DISC1: variants seen among roughly 807,000 people sequenced by gnomAD.
DISC1 encodes the protein DISC1 scaffold protein, also known as disrupted in schizophrenia 1 protein.
Under a neutral mutation model 84.5 loss-of-function variants are expected in DISC1, and 57 were observed. That is an observed-to-expected ratio of 0.67 (90% CI 0.55 to 0.84). The LOEUF is 0.84. Among genes scored for constraint, DISC1 ranks in the 40% least tolerant of loss-of-function variants. The pLI, the probability that DISC1 is intolerant of heterozygous loss-of-function variation, is 0.00. For missense variants in DISC1, 1,000 were observed against 1,057.8 expected (o/e 0.95, Z 0.76); for synonymous variants, 411 against 415.2 (o/e 0.99, Z 0.12).
intron 4 of DISC1, chr1:231,750,667 G>C (rs2074516047): frequency 1.1e-6 from 1 of 896,850 alleles, no homozygotes. Context: ...GGCAAGCTAA[G>C]TCAGAATGTC....
chr1:231,742,608 GA>G (rs796971327), intron 3 of DISC1, among the ~76,000 whole-genome samples: 40 of 150,052 alleles, frequency 2.7e-4, no homozygotes, highest in Admixed American at 7.3e-4. Context: ...CCCCATCTCT[GA>G]AAAAAAAAAT....
In DISC1 at chr1:231,794,064, G is replaced by A. The variant is rs140896042; in HGVS notation, c.1635-1178G>A. 9.6e-3 allele frequency among the ~76,000 whole-genome samples: 1,455 copies of A among 152,218 alleles called. 10 individuals carry two copies. Among genetic ancestry groups the A allele is most frequent in the South Asian group, 0.031 (148 of 4,826 alleles). ...CTCCCAAAGTGCTGGAATTACAGGC[G>A]TGAGCCACCACGCCCGGCCCCTAAC... On this transcript the variant is annotated intron_variant, in intron 6 of 12. Transcript: ENST00000439617.
At chr1:231,912,745 CTTTCTTTCTT>C (rs1558724844) in intron 9 of DISC1, among the ~76,000 whole-genome samples, 36 of 3,610 alleles carry the variant, frequency 1.0e-2, no homozygotes, top group Non-Finnish European at 0.017. Flanking sequence ...GCTTGCTCTT[CTTTCTTTCTT>C]TCTTTCTTTC....
At chr1:231,886,149 C>T (rs1340764709) in intron 9 of DISC1, among the ~76,000 whole-genome samples, 1 of 152,182 alleles carries the variant, frequency 6.6e-6, no homozygotes, top group Non-Finnish European at 1.5e-5. Flanking sequence ...GCCCCCATGA[C>T]CCAAACACCT....
intron 3 of DISC1, among the ~76,000 whole-genome samples, chr1:231,743,820 C>G (rs1343393804): frequency 6.6e-6 from 1 of 152,190 alleles, no homozygotes; most frequent in Non-Finnish European, 1.5e-5. Context: ...TGCTTAGTTT[C>G]CGGCTATAGG....
At chr1:231,797,045 C>T (rs1279326215) in intron 7 of DISC1, among the ~76,000 whole-genome samples, 1 of 152,154 alleles carries the variant, frequency 6.6e-6, no homozygotes, top group Non-Finnish European at 1.5e-5. Flanking sequence ...TTATCAGGTG[C>T]GTCCTGATTT....
At chr1:231,748,619 T>G (rs1477887552) in intron 3 of DISC1, among the ~76,000 whole-genome samples, 1 of 152,188 alleles carries the variant, frequency 6.6e-6, no homozygotes, top group Non-Finnish European at 1.5e-5. Context: ...ATCTTTTTGA[T>G]GTGTTGTTTG....
rs188216665 is a variant in DISC1 at position 231,653,933 on chromosome 1, G to A, written c.67+26999G>A. 4.0e-3 allele frequency among the ~76,000 whole-genome samples: 614 copies of A among 152,322 alleles called. 4 individuals carry two copies. Among genetic ancestry groups the A allele is most frequent in the African/African-American group, 0.013 (560 of 41,586 alleles). On this transcript the variant is annotated intron_variant, in intron 1 of 12. Transcript: ENST00000439617. ...TCCCATTTAGAACAGAGTAAAGAGC[G>A]GGCAGCACAGTCATCACAGGCCCAA...
intron 9 of DISC1, among the ~76,000 whole-genome samples, chr1:231,918,733 A>G (rs2089808344): frequency 6.6e-6 from 1 of 152,210 alleles, no homozygotes; most frequent in South Asian, 2.1e-4. Context: ...CATGCTTGCA[A>G]GGGCTGTGAG....
chr1:231,641,574 G>A (rs1036171252), intron 1 of DISC1, among the ~76,000 whole-genome samples: 36 of 152,322 alleles, frequency 2.4e-4, no homozygotes, highest in African/African-American at 7.9e-4. Flanking sequence ...ATGTGCAAAG[G>A]GACCGGAGAG....
intron 8 of DISC1, among the ~76,000 whole-genome samples, chr1:231,802,892 G>A (rs1276607591): frequency 6.6e-6 from 1 of 151,396 alleles, no homozygotes; most frequent in South Asian, 2.1e-4. Flanking sequence ...TATCCTTCAC[G>A]GAGGCCCATG....
In DISC1 at chr1:231,694,124, C is replaced by A. The variant is rs140910315; in HGVS notation, c.366C>A (p.Leu122=). The A allele has an allele frequency of 1.6e-5, 26 of 1,614,186 alleles. No homozygotes were observed. Among genetic ancestry groups the A allele is most frequent in the Non-Finnish European group, 2.0e-5 (24 of 1,180,032 alleles). The change falls in exon 2 of 13, where the codon CTC becomes CTA. Residue 122 remains leucine, a synonymous_variant. Coordinates refer to ENST00000439617, the MANE Select transcript of DISC1 (RefSeq NM_018662.3). ...CCTCGGCGCACTTTGGGATTCAGCT[C>A]AGAGGTGGCACCAGATTGCCTGACA... ...RGTSAHFGIQ[L]RGGTRLPDRL...
intron 10 of DISC1, among the ~76,000 whole-genome samples, chr1:231,996,357 T>G (rs999387200): frequency 6.6e-6 from 1 of 152,200 alleles, no homozygotes; most frequent in African/African-American, 2.4e-5. Flanking sequence ...TAGATCCCAT[T>G]TGTCAATTTT....
intron 9 of DISC1, chr1:231,866,774 A>G: frequency 8.1e-7 from 1 of 1,229,976 alleles, no homozygotes; most frequent in Non-Finnish European, 1.0e-6. Context: ...CCTTGACGAA[A>G]GGGTATAATT....
At chr1:231,837,196 A>C (rs1264084429) in intron 9 of DISC1, among the ~76,000 whole-genome samples, 1 of 152,172 alleles carries the variant, frequency 6.6e-6, no homozygotes, top group East Asian at 1.9e-4. Flanking sequence ...GAAGTTTACC[A>C]TATGTTTCAA....
chr1:231,879,537 G>C (rs751573711), intron 9 of DISC1, among the ~76,000 whole-genome samples: 4 of 151,802 alleles, frequency 2.6e-5, no homozygotes, highest in Non-Finnish European at 5.9e-5. Flanking sequence ...AGGCAGGAGT[G>C]CCTGGAAGGA....
At chr1:231,934,867 T>G (rs2090883825) in intron 9 of DISC1, among the ~76,000 whole-genome samples, 2 of 152,184 alleles carry the variant, frequency 1.3e-5, no homozygotes, top group African/African-American at 4.8e-5. Context: ...AATTCTGGAT[T>G]GTGCTTCCTC....
intron 3 of DISC1, among the ~76,000 whole-genome samples, chr1:231,732,504 G>A (rs774698458): frequency 2.6e-5 from 4 of 152,248 alleles, no homozygotes; most frequent in East Asian, 1.9e-4. Flanking sequence ...GTAAAAATAT[G>A]TAGGCATTGG....
At chr1:231,748,393 T>G (rs1331518968) in intron 3 of DISC1, among the ~76,000 whole-genome samples, 2 of 152,224 alleles carry the variant, frequency 1.3e-5, no homozygotes, top group East Asian at 3.8e-4. Flanking sequence ...TGCCATTTAT[T>G]ACATTGAGGT....
Sources: gnomAD v4.1 joint callset for allele counts (sites outside exome capture counted in the v4.1 genomes callset) on GRCh38, gnomAD v4.1.1 for gene constraint, MANE v1.5 for transcripts, NCBI Gene and HGNC (gene_info 2026-07-23, HGNC 2026-07-21) for gene names.